EYA2: variants seen among roughly 807,000 people sequenced by gnomAD.
EYA2 encodes EYA transcriptional coactivator and phosphatase 2.
In EYA2, 31 loss-of-function variants were observed where a neutral mutation model predicts 69.2. The ratio of observed to expected loss-of-function variants is 0.45; its 90% CI spans 0.34 to 0.60. The LOEUF (loss-of-function observed/expected upper bound fraction) is 0.60. EYA2 is among the 20% of genes least tolerant of loss of function. EYA2 has a pLI of 0.02. For missense variants in EYA2, 622 were observed against 701.2 expected (o/e 0.89, Z 1.28); for synonymous variants, 257 against 279.4 (o/e 0.92, Z 0.80).
intron 2 of EYA2, among the ~76,000 whole-genome samples, chr20:47,000,138 G>A (rs1475966295): frequency 6.6e-6 from 1 of 152,204 alleles, no homozygotes; most frequent in Admixed American, 6.5e-5. Context: ...ATCTGAGGAT[G>A]AGAATAGAAC....
At chr20:47,116,041 C>A (rs2032881253) in intron 9 of EYA2, among the ~76,000 whole-genome samples, 1 of 152,172 alleles carries the variant, frequency 6.6e-6, no homozygotes, top group Non-Finnish European at 1.5e-5. Flanking sequence ...GGGACGCTTC[C>A]CAATCTTTCC....
At chr20:47,069,983 C>A (rs929689931) in intron 5 of EYA2, among the ~76,000 whole-genome samples, 10 of 152,034 alleles carry the variant, frequency 6.6e-5, no homozygotes, top group Admixed American at 6.6e-5. Flanking sequence ...GAAGAAAACA[C>A]AAGAGCAGTT....
chr20:47,152,688 G>A (rs1442841989), intron 10 of EYA2, among the ~76,000 whole-genome samples: 6 of 151,752 alleles, frequency 4.0e-5, no homozygotes, highest in Non-Finnish European at 7.4e-5. Flanking sequence ...GCGGGTGCCT[G>A]TAATCCCAGC....
chr20:46,920,418 A>G (rs1985129162), intron 1 of EYA2, among the ~76,000 whole-genome samples: 1 of 152,168 alleles, frequency 6.6e-6, no homozygotes, highest in Admixed American at 6.5e-5. Context: ...AGGACGTGAC[A>G]CGTTATCTTT....
chr20:47,134,332 A>G lies in EYA2; in HGVS notation c.889-8727A>G, dbSNP rs949642459. Among the ~76,000 whole-genome samples, 15 of 152,196 alleles carry G rather than the reference A, an allele frequency of 9.9e-5. 1 individual carries two copies. Among genetic ancestry groups the G allele is most frequent in the Admixed American group, 9.2e-4 (14 of 15,282 alleles). ...AGAGGATTATGGAGTCTGGAGTCAG[A>G]TTAGACCTGAGTTCAGTGCCAACAC... On this transcript the variant is annotated intron_variant, in intron 9 of 15. Coordinates refer to ENST00000327619, the MANE Select transcript of EYA2 (RefSeq NM_005244.5).
At chr20:47,143,278 A>G (rs953658149) in intron 10 of EYA2, 130 bp downstream of exon 10, 1 of 870,326 alleles carries the variant, frequency 1.1e-6, no homozygotes, top group African/African-American at 1.7e-5. Flanking sequence ...TAGAAGCTTG[A>G]AACTTTTGCT....
At chr20:46,977,796 C>CA (rs1189536905) in intron 1 of EYA2, among the ~76,000 whole-genome samples, 1 of 152,146 alleles carries the variant, frequency 6.6e-6, no homozygotes, top group Admixed American at 6.5e-5. Context: ...AACTTCTATT[C>CA]AATGACACTT....
chr20:47,029,584 C>G (rs996469659), intron 5 of EYA2, among the ~76,000 whole-genome samples: 10 of 152,222 alleles, frequency 6.6e-5, no homozygotes, highest in African/African-American at 2.4e-4. Context: ...ACTGCTGTCT[C>G]TTACATCCTT....
intron 5 of EYA2, among the ~76,000 whole-genome samples, chr20:47,044,195 T>A (rs1010375): frequency 0.4 from 60,537 of 152,072 alleles, 13,145 homozygotes; most frequent in Non-Finnish European, 0.47. Context: ...TTTCAACATA[T>A]GGCGTTAAGG....
chr20:47,119,931 G>T (rs2033001052), intron 9 of EYA2, among the ~76,000 whole-genome samples: 1 of 152,116 alleles, frequency 6.6e-6, no homozygotes, highest in Non-Finnish European at 1.5e-5. Flanking sequence ...AAATAGGCCG[G>T]GCACAGTGGC....
intron 9 of EYA2, among the ~76,000 whole-genome samples, chr20:47,135,299 C>G (rs1209125650): frequency 6.6e-6 from 1 of 151,804 alleles, no homozygotes; most frequent in Non-Finnish European, 1.5e-5. Context: ...TACAACAATC[C>G]TATCAGGTAT....
intron 1 of EYA2, among the ~76,000 whole-genome samples, chr20:46,918,180 G>A (rs1312874713): frequency 2.0e-5 from 3 of 151,876 alleles, no homozygotes; most frequent in African/African-American, 7.2e-5. Context: ...AATTAGCCGG[G>A]CGTGGTGGCA....
Position 47,032,884 on chromosome 20 carries a change from C to A in EYA2, c.415+16587C>A, listed in dbSNP as rs181938456. ...AATGGACAAAACTTCCCACATTTCA[C>A]TGTTTTCACAGAGAAGCCTGCAATC... On this transcript the variant is annotated intron_variant, in intron 5 of 15. Coordinates refer to ENST00000327619, the MANE Select transcript of EYA2 (RefSeq NM_005244.5). 1.2e-3 allele frequency among the ~76,000 whole-genome samples: 180 copies of A among 152,374 alleles called. 2 individuals are homozygous for A. The highest frequency in any genetic ancestry group is 2.4e-4 in the Non-Finnish European group (16 of 68,044).
Position 46,953,117 on chromosome 20 carries a change from A to G in EYA2, c.-10-36884A>G, listed in dbSNP as rs566368412. On this transcript the variant is annotated intron_variant, in intron 1 of 15. Coordinates refer to ENST00000327619, the MANE Select transcript of EYA2 (RefSeq NM_005244.5). ...CTAATATTAAAACTTGGAAAACACG[A>G]AAGGGAGATACTTGAGTTGTGATCA... Among the ~76,000 whole-genome samples the G allele has an allele frequency of 5.9e-5, 9 of 152,344 alleles. No homozygotes were observed. The South Asian group carries it at 1.5e-3, about 25-fold the overall frequency.
chr20:46,966,574 C>T (rs60996475), intron 1 of EYA2, among the ~76,000 whole-genome samples: 6 of 152,054 alleles, frequency 3.9e-5, no homozygotes, highest in Admixed American at 1.3e-4. Context: ...TTTGGGAGGC[C>T]GAGGTGGGCG....
chr20:46,910,601 G>C (rs1034581506), intron 1 of EYA2, among the ~76,000 whole-genome samples: 1 of 152,178 alleles, frequency 6.6e-6, no homozygotes, highest in African/African-American at 2.4e-5. Context: ...GGGTTACCCT[G>C]GCAATGCACG....
intron 10 of EYA2, among the ~76,000 whole-genome samples, chr20:47,154,547 A>C (rs1314293736): frequency 6.6e-6 from 1 of 151,964 alleles, no homozygotes; most frequent in Admixed American, 6.5e-5. Context: ...GCCCTTACCC[A>C]TGGTGCTGTG....
chr20:47,130,261 C>CTTTTTTTTATTTTTTTTTTTTTTTTT (rs1461074772), intron 9 of EYA2, among the ~76,000 whole-genome samples: 1 of 81,260 alleles, frequency 1.2e-5, no homozygotes, highest in African/African-American at 5.8e-5. Context: ...GGTTTATTTT[C>CTTTTTTTTATTTTTTTTTTTTTTTTT]TTTTTTTTTT....
intron 1 of EYA2, among the ~76,000 whole-genome samples, chr20:46,920,755 C>T (rs1303168876): frequency 6.6e-6 from 1 of 152,200 alleles, no homozygotes; most frequent in Non-Finnish European, 1.5e-5. Context: ...ACCAGAGCCA[C>T]ATCTCAAGGA....
Sources: gnomAD v4.1 joint callset for allele counts (sites outside exome capture counted in the v4.1 genomes callset) on GRCh38, gnomAD v4.1.1 for gene constraint, MANE v1.5 for transcripts, NCBI Gene and HGNC (gene_info 2026-07-23, HGNC 2026-07-21) for gene names.